CCSER1: variants seen among roughly 807,000 people sequenced by gnomAD.
CCSER1 encodes serine-rich coiled-coil domain-containing protein 1.
Under a neutral mutation model 82.0 loss-of-function variants are expected in CCSER1, and 41 were observed. That is an observed-to-expected ratio of 0.50 (90% CI 0.39 to 0.65). The LOEUF is 0.65. Ranked by LOEUF, CCSER1 falls within the 30% of genes least tolerant of loss-of-function variation. The probability of loss-of-function intolerance (pLI) is 0.00; values close to 1 mark genes in which losing one functional copy is unlikely to be tolerated. For synonymous variants in CCSER1, 414 were observed against 383.9 expected (o/e 1.08, Z -0.92); for missense variants, 1,119 against 1,064.2 (o/e 1.05, Z -0.72).
intron 6 of CCSER1, among the ~76,000 whole-genome samples, chr4:90,633,958 C>T (rs1345633377): frequency 1.3e-5 from 2 of 151,642 alleles, no homozygotes; most frequent in African/African-American, 4.8e-5. Context: ...TTTAGAAATT[C>T]TATTGTTGTC....
intron 5 of CCSER1, among the ~76,000 whole-genome samples, chr4:90,512,388 A>G (rs1370554048): frequency 2.0e-5 from 3 of 152,116 alleles, no homozygotes; most frequent in Admixed American, 2.0e-4. Flanking sequence ...GATTTTATCA[A>G]TACTGAGGAA....
chr4:91,351,451 T>C (rs1748463836), intron 10 of CCSER1, among the ~76,000 whole-genome samples: 1 of 152,058 alleles, frequency 6.6e-6, no homozygotes, highest in East Asian at 1.9e-4. Context: ...GAATACAGAT[T>C]TCTTGTTTTG....
At chr4:90,674,794 A>G (rs535682100) in intron 6 of CCSER1, among the ~76,000 whole-genome samples, 5 of 151,898 alleles carry the variant, frequency 3.3e-5, no homozygotes, top group African/African-American at 1.2e-4. Flanking sequence ...TTTTCTGCAC[A>G]TGAGTGGTAC....
At chr4:91,205,730 A>G (rs772489862) in intron 10 of CCSER1, among the ~76,000 whole-genome samples, 2 of 146,722 alleles carry the variant, frequency 1.4e-5, no homozygotes, top group African/African-American at 5.1e-5. Flanking sequence ...CTCCCTTTCT[A>G]CTGACTCATG....
chr4:90,818,063 T>C (rs1330647255), intron 8 of CCSER1, among the ~76,000 whole-genome samples: 1 of 152,134 alleles, frequency 6.6e-6, no homozygotes, highest in African/African-American at 2.4e-5. Flanking sequence ...ACCACTGTTA[T>C]TATCACAAGC....
intron 8 of CCSER1, among the ~76,000 whole-genome samples, chr4:90,846,821 G>T (rs965896370): frequency 1.3e-5 from 2 of 151,990 alleles, no homozygotes; most frequent in Non-Finnish European, 2.9e-5. Flanking sequence ...GCTAATTTTT[G>T]TATTTTTAGT....
At chr4:91,127,054 C>G (rs566407447) in intron 10 of CCSER1, among the ~76,000 whole-genome samples, 1 of 152,008 alleles carries the variant, frequency 6.6e-6, no homozygotes, top group Non-Finnish European at 1.5e-5. Context: ...TTGACTCAGT[C>G]CCTGTTTCTA....
intron 10 of CCSER1, among the ~76,000 whole-genome samples, chr4:91,093,932 C>T (rs1474731511): frequency 6.6e-6 from 1 of 152,186 alleles, no homozygotes; most frequent in Non-Finnish European, 1.5e-5. Context: ...CCTTACTTGC[C>T]TTCTGGTTTT....
At position 91,524,659 on chromosome 4, in the gene CCSER1, A is replaced by C. The variant is rs1578695547; in HGVS notation, c.2218-73913A>C. Among the ~76,000 whole-genome samples, 6 of 152,320 alleles carry C rather than the reference A, an allele frequency of 3.9e-5. 1 individual carries two copies. Among genetic ancestry groups the C allele is most frequent in the Admixed American group, 3.9e-4 (6 of 15,292 alleles). ...AGGGAACCTTGCAGTAGTAGCTCTT[A>C]GATTCTATGAATGAAGAAATCCTAA... On this transcript the variant is annotated intron_variant, in intron 10 of 10. Coordinates refer to ENST00000509176, the MANE Select transcript of CCSER1 (RefSeq NM_001145065.2).
intron 4 of CCSER1, among the ~76,000 whole-genome samples, chr4:90,426,657 G>T (rs746871946): frequency 4.2e-4 from 64 of 152,020 alleles, no homozygotes; most frequent in Non-Finnish European, 6.8e-4. Context: ...TTCTTAAATA[G>T]AAACAAAATA....
chr4:90,864,298 A>G (rs1765467838), intron 8 of CCSER1, among the ~76,000 whole-genome samples: 2 of 151,950 alleles, frequency 1.3e-5, no homozygotes, highest in South Asian at 2.1e-4. Flanking sequence ...AGGTTATGCT[A>G]TGGTTTGAAA....
At chr4:90,144,132 C>CT (rs1333078043) in intron 1 of CCSER1, among the ~76,000 whole-genome samples, 1 of 152,146 alleles carries the variant, frequency 6.6e-6, no homozygotes, top group East Asian at 1.9e-4. Context: ...CCATCTACTG[C>CT]TTTTTTCTCT....
intron 9 of CCSER1, among the ~76,000 whole-genome samples, chr4:90,933,006 AAGAAAGAAAGAAAGAAAG>A (rs1730304584): frequency 1.2e-5 from 1 of 80,158 alleles, no homozygotes; most frequent in Admixed American, 1.3e-4. Context: ...GAAAGAAAGA[AAGAAAGAAAGAAAGAAAG>A]AAAGAAAGAA....
chr4:90,784,742 A>G (rs1316454235), intron 7 of CCSER1, among the ~76,000 whole-genome samples: 1 of 152,190 alleles, frequency 6.6e-6, no homozygotes, highest in Non-Finnish European at 1.5e-5. Context: ...CTCAACCTTA[A>G]CTACTAACAG....
intron 10 of CCSER1, among the ~76,000 whole-genome samples, chr4:91,375,318 G>A (rs1055059009): frequency 1.3e-5 from 2 of 152,138 alleles, no homozygotes; most frequent in East Asian, 1.9e-4. Context: ...GTGATGGCAC[G>A]AAACATTGTT....
chr4:90,922,979 T>A (rs1301341925), intron 8 of CCSER1, among the ~76,000 whole-genome samples: 3 of 152,090 alleles, frequency 2.0e-5, no homozygotes, highest in Admixed American at 2.0e-4. Flanking sequence ...ATCCATTGGG[T>A]CTTTTATTAA....
rs139297044 is a variant in CCSER1 at position 91,292,063 on chromosome 4, G to A, written c.2217+206069G>A. ...TGGAAAGTTTTCCTCTATCAAACTAGCAAGCGATGCCTGAGTAACTCTTGA... is the reference window on the plus strand; with the variant it reads ...TGGAAAGTTTTCCTCTATCAAACTAACAAGCGATGCCTGAGTAACTCTTGA... On this transcript the variant is annotated intron_variant, in intron 10 of 10. Coordinates refer to ENST00000509176, the MANE Select transcript of CCSER1 (RefSeq NM_001145065.2). Among the ~76,000 whole-genome samples, 576 of 152,058 alleles carry A rather than the reference G, an allele frequency of 3.8e-3. 1 individual carries two copies. The highest frequency in any genetic ancestry group is 5.2e-3 in the Non-Finnish European group (354 of 67,958).
At chr4:90,384,559 A>G (rs987274590) in intron 3 of CCSER1, among the ~76,000 whole-genome samples, 5 of 151,994 alleles carry the variant, frequency 3.3e-5, no homozygotes, top group African/African-American at 1.2e-4. Flanking sequence ...CCTAAAGTGA[A>G]TATCTGAGTA....
At chr4:91,374,862 G>C (rs1750292708) in intron 10 of CCSER1, among the ~76,000 whole-genome samples, 1 of 152,162 alleles carries the variant, frequency 6.6e-6, no homozygotes, top group Non-Finnish European at 1.5e-5. Flanking sequence ...CAGGCATGGT[G>C]GTGCACACCT....
Sources: allele counts gnomAD v4.1 joint callset (sites outside exome capture counted in the v4.1 genomes callset), GRCh38; gene constraint gnomAD v4.1.1; transcripts MANE v1.5; gene names NCBI Gene and HGNC (gene_info 2026-07-23, HGNC 2026-07-21).